The following RAB11FIP4 variants were observed in gnomAD, a reference collection of about 807,000 sequenced individuals.
RAB11FIP4 encodes the protein RAB11 family interacting protein 4.
In RAB11FIP4, 23 loss-of-function variants were observed where a neutral mutation model predicts 74.3. That is an observed-to-expected ratio of 0.31 (90% confidence interval 0.22 to 0.44). RAB11FIP4 has a LOEUF of 0.44. RAB11FIP4 is among the 20% of genes least tolerant of loss of function. RAB11FIP4 has a pLI of 1.00. For missense variants in RAB11FIP4, 630 were observed against 863.9 expected (o/e 0.73, Z 3.39); for synonymous variants, 360 against 359.9 (o/e 1.00, Z 0.00).
chr17:31,497,975 G>A (rs1456437075), intron 3 of RAB11FIP4, among the ~76,000 whole-genome samples: 1 of 152,174 alleles, frequency 6.6e-6, no homozygotes. Context: ...TGCATAAGAA[G>A]CAGCATGTGC....
intron 3 of RAB11FIP4, among the ~76,000 whole-genome samples, chr17:31,515,046 C>T (rs1427819268): frequency 2.6e-5 from 4 of 152,152 alleles, no homozygotes; most frequent in Non-Finnish European, 5.9e-5. Flanking sequence ...ACTTCTGATG[C>T]GCTACTCTTT....
rs140124056 is a variant in RAB11FIP4 at position 31,459,208 on chromosome 17, C to T, written c.336+25086C>T. Among the ~76,000 whole-genome samples the T allele has an allele frequency of 2.9e-3, 435 of 152,246 alleles. 3 individuals are homozygous for T. Among genetic ancestry groups the T allele is most frequent in the African/African-American group, 9.1e-3 (377 of 41,512 alleles). On this transcript the variant is annotated intron_variant, in intron 3 of 14. Coordinates refer to ENST00000621161, the MANE Select transcript of RAB11FIP4 (RefSeq NM_032932.6). Reference sequence around the variant, plus strand: ...TCCAAGTCCCTTCTCCCCTCAGCCACCTGTCAGAGAGATCTACGAGTACTC... The same window carrying T: ...TCCAAGTCCCTTCTCCCCTCAGCCATCTGTCAGAGAGATCTACGAGTACTC...
intron 3 of RAB11FIP4, among the ~76,000 whole-genome samples, chr17:31,507,557 ATTGAGTTGT>A (rs1273551587): frequency 6.6e-6 from 1 of 151,980 alleles, no homozygotes; most frequent in African/African-American, 2.4e-5. Context: ...TTTTTTTGCT[ATTGAGTTGT>A]TTGAGTTCCT....
chr17:31,397,513 GAC>G (rs1336396987), intron 1 of RAB11FIP4, among the ~76,000 whole-genome samples: 2 of 152,234 alleles, frequency 1.3e-5, no homozygotes, highest in Admixed American at 1.3e-4. Context: ...CATGCAGAGT[GAC>G]AAGGCTGGCA....
intron 3 of RAB11FIP4, among the ~76,000 whole-genome samples, chr17:31,509,646 T>C (rs995252712): frequency 2.0e-5 from 3 of 152,174 alleles, no homozygotes; most frequent in African/African-American, 7.2e-5. Flanking sequence ...GGATGGAACG[T>C]AGCAGTGCAG....
chr17:31,492,013 G>A (rs1237607303), intron 3 of RAB11FIP4, among the ~76,000 whole-genome samples: 5 of 152,338 alleles, frequency 3.3e-5, no homozygotes, highest in Admixed American at 3.3e-4. Context: ...GCATACAGCT[G>A]TGTCTCTGAC....
At chr17:31,500,318 C>A (rs977895718) in intron 3 of RAB11FIP4, among the ~76,000 whole-genome samples, 1 of 152,162 alleles carries the variant, frequency 6.6e-6, no homozygotes, top group Admixed American at 6.5e-5. Context: ...AGCTGGCGTC[C>A]CTCTGAGCAG....
chr17:31,428,963 T>TATG lies in RAB11FIP4; in HGVS notation c.160-2835_160-2833dup, dbSNP rs796090015. On this transcript the variant is annotated intron_variant, in intron 1 of 14. Transcript: ENST00000621161. ...GCTCTTAAAAAAAAGTTGTTATTAT[T>TATG]ATGATGATGATGATGATTATTATTA... Among the ~76,000 whole-genome samples the TATG allele has an allele frequency of 4.0e-3, 602 of 151,654 alleles. 1 individual carries two copies. Among genetic ancestry groups the TATG allele is most frequent in the South Asian group, 5.0e-3 (24 of 4,778 alleles).
At chr17:31,457,240 G>T (rs17246266) in intron 3 of RAB11FIP4, among the ~76,000 whole-genome samples, 11,320 of 152,166 alleles carry the variant, frequency 0.074, 878 homozygotes, top group East Asian at 0.21. Context: ...TGGGGGACGA[G>T]GACCAGCTTC....
intron 3 of RAB11FIP4, among the ~76,000 whole-genome samples, chr17:31,483,192 C>CAAAAA (rs56720417): frequency 5.1e-5 from 3 of 58,566 alleles, no homozygotes; most frequent in African/African-American, 7.1e-5. Context: ...GACTGCATCT[C>CAAAAA]AAAAAAAAAA....
intron 3 of RAB11FIP4, among the ~76,000 whole-genome samples, chr17:31,490,720 A>ATTTT (rs1003091925): frequency 1.3e-5 from 2 of 151,848 alleles, no homozygotes; most frequent in African/African-American, 4.8e-5. Flanking sequence ...CATCTGGCTA[A>ATTTT]TTTTTGTTTT....
At chr17:31,420,430 G>A (rs949760396) in intron 1 of RAB11FIP4, among the ~76,000 whole-genome samples, 1 of 151,412 alleles carries the variant, frequency 6.6e-6, no homozygotes, top group East Asian at 1.9e-4. Context: ...ATGGGGTCTT[G>A]CTATGTTGCC....
At chr17:31,442,187 G>C (rs2071412818) in intron 3 of RAB11FIP4, among the ~76,000 whole-genome samples, 1 of 152,040 alleles carries the variant, frequency 6.6e-6, no homozygotes, top group Non-Finnish European at 1.5e-5. Flanking sequence ...TTTTAGTAGA[G>C]ACAGGGTTTC....
intron 7 of RAB11FIP4, chr17:31,523,205 C>G: frequency 2.4e-6 from 1 of 421,222 alleles, no homozygotes; most frequent in Middle Eastern, 7.2e-4. Context: ...CACGTGCCAG[C>G]TGAGGTCACT....
chr17:31,523,706 CCTGTA>C, intron 8 of RAB11FIP4, 95 bp downstream of exon 8: 1 of 1,257,594 alleles, frequency 8.0e-7, no homozygotes, highest in Non-Finnish European at 1.2e-6. Flanking sequence ...CTTGGGAGAC[CCTGTA>C]CCTGCCTAGG....
At chr17:31,508,444 G>C (rs551867318) in intron 3 of RAB11FIP4, among the ~76,000 whole-genome samples, 3 of 152,338 alleles carry the variant, frequency 2.0e-5, no homozygotes, top group Admixed American at 1.3e-4. Flanking sequence ...CTTCTCTCCT[G>C]TCTGTCAGCA....
chr17:31,534,917 G>A lies in RAB11FIP4; in HGVS notation c.*3185G>A, dbSNP rs117399787. Reference sequence around the variant, plus strand: ...GAACTGAACCAGGAGTGAGCTTCGTGTACATTATCTATTAGAAAATGAAGT... The same window carrying A: ...GAACTGAACCAGGAGTGAGCTTCGTATACATTATCTATTAGAAAATGAAGT... On this transcript the variant is annotated 3_prime_UTR_variant, in exon 15 of 15. Coordinates refer to ENST00000621161, the MANE Select transcript of RAB11FIP4 (RefSeq NM_032932.6). 1 of 154,416 alleles carries A rather than the reference G, an allele frequency of 6.5e-6. No homozygotes were observed. The highest frequency in any genetic ancestry group is 1.5e-5 in the Non-Finnish European group (1 of 68,208). The allele number at this position is 154,416 out of a possible 1,614,324, so 9.6% of individuals were successfully genotyped here.
intron 3 of RAB11FIP4, among the ~76,000 whole-genome samples, chr17:31,449,303 C>T (rs956299799): frequency 7.2e-5 from 11 of 152,130 alleles, no homozygotes; most frequent in African/African-American, 2.4e-4. Context: ...CAGCCCCTCA[C>T]CCACAGCACC....
At chr17:31,509,052 G>A (rs2072405431) in intron 3 of RAB11FIP4, 1 of 152,656 alleles carries the variant, frequency 6.6e-6, no homozygotes, top group Admixed American at 6.5e-5. Context: ...ACACAAGCAT[G>A]GCTTTCGCTT....
Sources: allele counts gnomAD v4.1 joint callset (sites outside exome capture counted in the v4.1 genomes callset), GRCh38; gene constraint gnomAD v4.1.1; transcripts MANE v1.5; gene names NCBI Gene and HGNC (gene_info 2026-07-23, HGNC 2026-07-21).